CNTNAP2: variants seen among roughly 807,000 people sequenced by gnomAD.
CNTNAP2 encodes contactin associated protein 2, also known as contactin-associated protein-like 2.
A neutral mutation model predicts 155.2 loss-of-function variants in CNTNAP2; 98 were observed. The ratio of observed to expected loss-of-function variants is 0.63; its 90% CI spans 0.54 to 0.75. The LOEUF (loss-of-function observed/expected upper bound fraction) is 0.75. Among genes scored for constraint, CNTNAP2 ranks in the 30% least tolerant of loss-of-function variants. CNTNAP2 has a pLI of 0.00. For synonymous variants in CNTNAP2, 651 were observed against 631.2 expected (o/e 1.03, Z -0.47); for missense variants, 1,727 against 1,688.1 (o/e 1.02, Z -0.40).
intron 1 of CNTNAP2, among the ~76,000 whole-genome samples, chr7:146,246,387 C>T (rs1457745940): frequency 6.6e-6 from 1 of 150,514 alleles, no homozygotes; most frequent in South Asian, 2.1e-4. Flanking sequence ...GTGGGGATAA[C>T]TAAAAGGAGT....
At chr7:147,174,558 C>T (rs982203504) in intron 8 of CNTNAP2, among the ~76,000 whole-genome samples, 10 of 151,970 alleles carry the variant, frequency 6.6e-5, no homozygotes, top group Admixed American at 3.9e-4. Context: ...AGAAAGGAAC[C>T]GTGACTTAGA....
At chr7:146,123,275 G>A (rs1368134330) in intron 1 of CNTNAP2, among the ~76,000 whole-genome samples, 1 of 152,156 alleles carries the variant, frequency 6.6e-6, no homozygotes, top group African/African-American at 2.4e-5. Context: ...AGTGATATAT[G>A]CTTTAATGTT....
rs558304094 is a variant in CNTNAP2 at position 146,860,821 on chromosome 7, A to C, written c.402+20917A>C. On this transcript the variant is annotated intron_variant, in intron 3 of 23. Coordinates refer to ENST00000361727, the MANE Select transcript of CNTNAP2 (RefSeq NM_014141.6). ...GTTAAAATATGTATACCAGGGTCTT[A>C]AGGATAGAATGAGCCCTAGAATAAT... Among the ~76,000 whole-genome samples the C allele has an allele frequency of 5.9e-5, 9 of 152,046 alleles. No individual in the cohort carries two copies. In the East Asian group the frequency reaches 1.7e-3, roughly 29 times the overall value.
intron 2 of CNTNAP2, among the ~76,000 whole-genome samples, chr7:146,774,773 A>G (rs1802358804): frequency 6.6e-6 from 1 of 152,298 alleles, no homozygotes; most frequent in South Asian, 2.1e-4. Context: ...ACTGTATATT[A>G]ATGTAAAAAG....
At chr7:147,083,319 C>G (rs1248613683) in intron 4 of CNTNAP2, 2 of 151,806 alleles carry the variant, frequency 1.3e-5, no homozygotes, top group East Asian at 1.9e-4. Flanking sequence ...GTTTCGAGAG[C>G]CTTCAAAAGT....
chr7:147,521,889 G>C (rs1799235067), intron 11 of CNTNAP2, among the ~76,000 whole-genome samples: 1 of 152,196 alleles, frequency 6.6e-6, no homozygotes, highest in Non-Finnish European at 1.5e-5. Flanking sequence ...AGAACTGAGA[G>C]AGTGGTTCAG....
At chr7:148,071,624 C>T (rs1156899583) in intron 15 of CNTNAP2, among the ~76,000 whole-genome samples, 2 of 152,152 alleles carry the variant, frequency 1.3e-5, no homozygotes, top group African/African-American at 4.8e-5. Flanking sequence ...CAGACAGCTT[C>T]GCAGGCAGTA....
rs140121353 is a variant in CNTNAP2, at chr7:147,221,666, T to C, written c.1349-78475T>C. Among the ~76,000 whole-genome samples the C allele has an allele frequency of 6.0e-4, 91 of 152,350 alleles. 1 individual carries two copies. Among genetic ancestry groups the C allele is most frequent in the African/African-American group, 1.9e-3 (81 of 41,580 alleles). ...GAAAAAATTTTAATTTTATCTTTAC[T>C]TACTTCTTCTTTGATGCTCTTCCAT... On this transcript the variant is annotated intron_variant, in intron 8 of 23. Transcript: ENST00000361727.
intron 4 of CNTNAP2, among the ~76,000 whole-genome samples, chr7:147,089,617 T>C (rs990421113): frequency 5.3e-5 from 8 of 152,186 alleles, no homozygotes; most frequent in African/African-American, 1.7e-4. Flanking sequence ...TTGTTATAAA[T>C]CTAGGCCTTG....
At chr7:146,351,252 G>C (rs905533535) in intron 1 of CNTNAP2, among the ~76,000 whole-genome samples, 5 of 151,322 alleles carry the variant, frequency 3.3e-5, no homozygotes, top group African/African-American at 1.2e-4. Context: ...AATAAAATAA[G>C]TTTACTTGAA....
Position 147,257,700 on chromosome 7 carries a change from A to C in CNTNAP2, c.1349-42441A>C, listed in dbSNP as rs552768995. Among the ~76,000 whole-genome samples, 22 of 152,366 alleles carry C rather than the reference A, an allele frequency of 1.4e-4. No individual in the cohort carries two copies. In the South Asian group the frequency reaches 3.9e-3, roughly 27 times the overall value. On this transcript the variant is annotated intron_variant, in intron 8 of 23. Coordinates refer to ENST00000361727, the MANE Select transcript of CNTNAP2 (RefSeq NM_014141.6). ...TGGGAGTCCACAGATCAGCATGAGCATGAATAAGGGACCCTCTGTGTGAAG... is the reference window on the plus strand; with the variant it reads ...TGGGAGTCCACAGATCAGCATGAGCCTGAATAAGGGACCCTCTGTGTGAAG...
chr7:146,434,179 C>T lies in CNTNAP2; in HGVS notation c.97+317206C>T, dbSNP rs150496614. 1.9e-3 allele frequency among the ~76,000 whole-genome samples: 290 copies of T among 152,170 alleles called. 1 individual carries two copies. Among genetic ancestry groups the T allele is most frequent in the African/African-American group, 6.2e-3 (258 of 41,522 alleles). ...GCTTTTTTTATGGCCAGATACCATT[C>T]CAATCTAAATCTGCAGAAGCTATTC... On this transcript the variant is annotated intron_variant, in intron 1 of 23. Transcript: ENST00000361727.
chr7:146,371,534 A>AT (rs879627367), intron 1 of CNTNAP2, among the ~76,000 whole-genome samples: 41 of 151,718 alleles, frequency 2.7e-4, no homozygotes, highest in African/African-American at 9.4e-4. Context: ...GCGCCAGCTA[A>AT]TTTTTTTATT....
chr7:147,731,353 A>C (rs927892647), intron 13 of CNTNAP2, among the ~76,000 whole-genome samples: 1 of 152,126 alleles, frequency 6.6e-6, no homozygotes, highest in Non-Finnish European at 1.5e-5. Context: ...TACTGTTCTG[A>C]AAATCCTGAG....
chr7:147,179,116 G>A lies in CNTNAP2; in HGVS notation c.1348+46607G>A, dbSNP rs114168973. Among the ~76,000 whole-genome samples the A allele has an allele frequency of 2.2e-3, 333 of 152,132 alleles. 3 individuals are homozygous for A. The highest frequency in any genetic ancestry group is 7.8e-3 in the African/African-American group (324 of 41,506). ...AACTAAGCATACTCTGTTAAGTGCC[G>A]TCTTAAGAGTCTTCTAGATTTCTAT... On this transcript the variant is annotated intron_variant, in intron 8 of 23. Transcript: ENST00000361727.
chr7:146,822,755 T>G (rs2129196609), intron 2 of CNTNAP2, among the ~76,000 whole-genome samples: 1 of 146,710 alleles, frequency 6.8e-6, no homozygotes, highest in African/African-American at 2.5e-5. Flanking sequence ...AAGTGTATAC[T>G]TAAGAATATT....
chr7:147,870,875 G>T (rs1338054409), intron 13 of CNTNAP2, among the ~76,000 whole-genome samples: 1 of 151,986 alleles, frequency 6.6e-6, no homozygotes, highest in Non-Finnish European at 1.5e-5. Flanking sequence ...TTACCTCCGT[G>T]GTCTGAGGAT....
chr7:147,957,645 C>T (rs1585048284), intron 14 of CNTNAP2, among the ~76,000 whole-genome samples: 1 of 151,722 alleles, frequency 6.6e-6, no homozygotes. Context: ...TCCGGTTAAC[C>T]AAGAAATTAA....
At chr7:147,321,223 C>T (rs531807064) in intron 9 of CNTNAP2, among the ~76,000 whole-genome samples, 5 of 152,192 alleles carry the variant, frequency 3.3e-5, no homozygotes, top group Admixed American at 6.5e-5. Flanking sequence ...CCTTGAGGTC[C>T]TGAAAAAGAA....
Sources: allele counts gnomAD v4.1 joint callset (sites outside exome capture counted in the v4.1 genomes callset), GRCh38; gene constraint gnomAD v4.1.1; transcripts MANE v1.5; gene names NCBI Gene and HGNC (gene_info 2026-07-23, HGNC 2026-07-21).